Variants in TEX36 observed in about 807,000 individuals in gnomAD.
TEX36 encodes the protein testis-expressed protein 36.
Under a neutral mutation model 13.6 loss-of-function variants are expected in TEX36, and 12 were observed. The observed-to-expected ratio is 0.88, with a 90% CI of 0.56 to 1.43. The LOEUF is 1.43. TEX36 is among the 40% of genes most tolerant of loss of function. TEX36 has a pLI of 0.00. For missense variants in TEX36, 224 were observed against 228.3 expected (o/e 0.98, Z 0.12); for synonymous variants, 93 against 83.0 (o/e 1.12, Z -0.65).
At chr10:125,595,520 A>T (rs558944618) in intron 3 of TEX36, among the ~76,000 whole-genome samples, 24 of 152,282 alleles carry the variant, frequency 1.6e-4, no homozygotes, top group African/African-American at 5.8e-4. Flanking sequence ...TACATCACCG[A>T]CCTGCTCAGT....
rs377182153 is a variant in TEX36 at position 125,662,670 on chromosome 10, T to C, written c.52-693A>G. On this transcript the variant is annotated intron_variant, in intron 1 of 3. Transcript: ENST00000368821. ...CCGGCTGGGAGCTCTGGACATTGGG[T>C]GGCCACTCAGAGCTGGGGAGAGGGG... Among the ~76,000 whole-genome samples the C allele has an allele frequency of 1.6e-4, 25 of 152,126 alleles. No homozygotes were observed. The East Asian group carries it at 4.8e-3, about 29-fold the overall frequency.
chr10:125,648,001 C>T (rs575990499), intron 3 of TEX36, among the ~76,000 whole-genome samples: 13 of 152,272 alleles, frequency 8.5e-5, no homozygotes, highest in East Asian at 5.8e-4. Flanking sequence ...AACAAAGCAT[C>T]GGGAAGCTCA....
At chr10:125,675,562 G>C (rs1847298581) in intron 1 of TEX36, among the ~76,000 whole-genome samples, 1 of 152,226 alleles carries the variant, frequency 6.6e-6, no homozygotes, top group Non-Finnish European at 1.5e-5. Flanking sequence ...TCCATGGGTT[G>C]CACAGATCTA....
At chr10:125,672,303 G>C (rs1263404919) in intron 1 of TEX36, among the ~76,000 whole-genome samples, 16 of 152,170 alleles carry the variant, frequency 1.1e-4, no homozygotes, top group Non-Finnish European at 2.9e-5. Flanking sequence ...TGCTGTAGCT[G>C]TGTCCCAGAG....
intron 3 of TEX36, among the ~76,000 whole-genome samples, chr10:125,623,761 G>A (rs192374261): frequency 1.3e-5 from 2 of 152,304 alleles, no homozygotes; most frequent in Non-Finnish European, 2.9e-5. Flanking sequence ...TGTGAATGTT[G>A]TATCAGCAAA....
intron 3 of TEX36, among the ~76,000 whole-genome samples, chr10:125,593,803 T>A (rs1846050021): frequency 6.6e-6 from 1 of 152,100 alleles, no homozygotes; most frequent in African/African-American, 2.4e-5. Context: ...AGAGTTTCTG[T>A]TGAGGATGAT....
At chr10:125,649,308 T>G (rs1006404406) in intron 3 of TEX36, among the ~76,000 whole-genome samples, 5 of 152,216 alleles carry the variant, frequency 3.3e-5, no homozygotes, top group African/African-American at 1.2e-4. Context: ...GCAGATCTCT[T>G]GGCAGAAACT....
At chr10:125,653,359 ACAT>A (rs1049783724), downstream of TEX36, among the ~76,000 whole-genome samples, 1 of 151,880 alleles carries the variant, frequency 6.6e-6, no homozygotes, top group African/African-American at 2.4e-5. Flanking sequence ...AAGCCGGAAA[ACAT>A]CATTCTGAGC....
chr10:125,593,143 T>A (rs189353006), intron 3 of TEX36, among the ~76,000 whole-genome samples: 45 of 152,232 alleles, frequency 3.0e-4, no homozygotes, highest in African/African-American at 1.1e-3. Context: ...AATCACAGAG[T>A]TGATTCTTCT....
chr10:125,586,524 T>C (rs984501767), intron 3 of TEX36, among the ~76,000 whole-genome samples: 5 of 151,746 alleles, frequency 3.3e-5, no homozygotes, highest in Non-Finnish European at 5.9e-5. Context: ...CCAGGGTGGC[T>C]CTTGCCCGTA....
intron 3 of TEX36, among the ~76,000 whole-genome samples, chr10:125,607,504 G>A (rs530652740): frequency 6.6e-6 from 1 of 152,276 alleles, no homozygotes; most frequent in East Asian, 1.9e-4. Context: ...CAGCAAATAA[G>A]AACAATTCTC....
At chr10:125,670,379 C>A (rs904988382) in intron 1 of TEX36, among the ~76,000 whole-genome samples, 2 of 152,072 alleles carry the variant, frequency 1.3e-5, no homozygotes, top group African/African-American at 4.8e-5. Flanking sequence ...GTTTGTTGGC[C>A]GCATAAATGT....
chr10:125,599,114 GA>G (rs1199575735), intron 3 of TEX36, among the ~76,000 whole-genome samples: 12 of 152,174 alleles, frequency 7.9e-5, no homozygotes, highest in African/African-American at 2.4e-4. Flanking sequence ...AAAATAATCG[GA>G]AAAAACTTTT....
At chr10:125,664,356 A>T (rs911889141) in intron 1 of TEX36, among the ~76,000 whole-genome samples, 2 of 152,180 alleles carry the variant, frequency 1.3e-5, no homozygotes, top group African/African-American at 4.8e-5. Flanking sequence ...GTATATACCT[A>T]GCAGTGGGAT....
At chr10:125,679,615 C>T (rs920520512) in intron 1 of TEX36, among the ~76,000 whole-genome samples, 1 of 152,190 alleles carries the variant, frequency 6.6e-6, no homozygotes, top group Non-Finnish European at 1.5e-5. Context: ...TTACCCTTTC[C>T]CCATGTTGGG....
intron 3 of TEX36, among the ~76,000 whole-genome samples, chr10:125,593,164 C>A (rs1449107049): frequency 6.6e-6 from 1 of 152,226 alleles, no homozygotes; most frequent in African/African-American, 2.4e-5. Context: ...GGCAACCATC[C>A]CCCATCCTGG....
intron 3 of TEX36, among the ~76,000 whole-genome samples, chr10:125,623,507 C>T (rs1353785542): frequency 6.6e-6 from 1 of 151,170 alleles, no homozygotes; most frequent in Non-Finnish European, 1.5e-5. Flanking sequence ...TGCATTAGCT[C>T]ATGACTGTTT....
At chr10:125,647,877 G>T (rs1386569539) in intron 3 of TEX36, among the ~76,000 whole-genome samples, 1 of 152,208 alleles carries the variant, frequency 6.6e-6, no homozygotes, top group African/African-American at 2.4e-5. Context: ...GGCTCAGAGG[G>T]TCCCACGCCC....
chr10:125,660,166 C>G (rs1334097816), intron 3 of TEX36, among the ~76,000 whole-genome samples: 2 of 152,168 alleles, frequency 1.3e-5, no homozygotes, highest in African/African-American at 4.8e-5. Flanking sequence ...CTCTGACACC[C>G]AGGCTGGAGT....
Sources: gnomAD v4.1 joint callset for allele counts (sites outside exome capture counted in the v4.1 genomes callset) on GRCh38, gnomAD v4.1.1 for gene constraint, MANE v1.5 for transcripts, NCBI Gene and HGNC (gene_info 2026-07-23, HGNC 2026-07-21) for gene names.